Variants in PPP1R12B observed in about 807,000 individuals in gnomAD.
PPP1R12B encodes the protein myosin phosphatase target subunit 2.
A neutral mutation model predicts 126.1 loss-of-function variants in PPP1R12B; 76 were observed. The ratio of observed to expected loss-of-function variants is 0.60; its 90% CI spans 0.50 to 0.73. PPP1R12B has a LOEUF of 0.73. Among genes scored for constraint, PPP1R12B ranks in the 30% least tolerant of loss-of-function variants. The pLI is 0.00. For synonymous variants in PPP1R12B, 356 were observed against 434.7 expected, an observed-to-expected ratio of 0.82 and a Z score of 2.25; for missense variants, 1,052 against 1,205.1, an observed-to-expected ratio of 0.87 and a Z score of 1.88.
intron 18 of PPP1R12B, among the ~76,000 whole-genome samples, chr1:202,545,740 T>C (rs1321565810): frequency 6.6e-6 from 1 of 152,220 alleles, no homozygotes; most frequent in East Asian, 1.9e-4. Context: ...ATGTGGTTAA[T>C]ACATTAGCCT....
At chr1:202,573,938 C>A (rs550671532) in intron 23 of PPP1R12B, among the ~76,000 whole-genome samples, 2 of 152,194 alleles carry the variant, frequency 1.3e-5, no homozygotes, top group South Asian at 4.2e-4. Flanking sequence ...TGAACTGAGA[C>A]AAAGAAAGCA....
At chr1:202,400,638 G>A in intron 1 of PPP1R12B, among the ~76,000 whole-genome samples, 1 of 152,194 alleles carries the variant, frequency 6.6e-6, no homozygotes, top group East Asian at 1.9e-4. Flanking sequence ...AGATTGTTAT[G>A]GAAATGGTTT....
Position 202,504,262 on chromosome 1 carries a change from G to A in PPP1R12B, c.2490+7440G>A, listed in dbSNP as rs528782168. 7.9e-5 allele frequency among the ~76,000 whole-genome samples: 12 copies of A among 151,964 alleles called. No individual in the cohort carries two copies. In the South Asian group the frequency reaches 2.1e-3, roughly 26 times the overall value. ...ACAAAAATTAGCTGGGTGTGATGAC[G>A]CCCACCTGTAATCCCAGCTACTCGG... On this transcript the variant is annotated intron_variant, in intron 18 of 23. Coordinates refer to ENST00000608999, the MANE Select transcript of PPP1R12B (RefSeq NM_002481.4).
Position 202,442,480 on chromosome 1 carries a change from C to T in PPP1R12B, c.1575C>T (p.Ser525=), listed in dbSNP as rs202002903. 1.7e-4 allele frequency: 280 copies of T among 1,613,464 alleles called. No individual in the cohort carries two copies. Among genetic ancestry groups the T allele is most frequent in the African/African-American group, 1.5e-3 (116 of 74,866 alleles). The change falls in exon 12 of 24, where the codon TCC becomes TCT. Residue 525 remains serine (S), a synonymous_variant. Transcript: ENST00000608999. ...ESAVNLVRSG[S]YTRQLWRDEA... is the part of the protein sequence containing the mutation. ...CTGTTAATCTAGTGAGGAGTGGCTC[C>T]TATACCCGGCAGCTATGGAGGGATG...
At chr1:202,359,911 G>GGT (rs368422256) in intron 1 of PPP1R12B, among the ~76,000 whole-genome samples, 4,873 of 151,786 alleles carry the variant, frequency 0.032, 268 homozygotes, top group African/African-American at 0.11. Context: ...ATTGTTCACA[G>GGT]GTGTGTGTGT....
At chr1:202,502,112 C>T (rs572154898) in intron 18 of PPP1R12B, 1 of 985,740 alleles carries the variant, frequency 1.0e-6, no homozygotes, top group African/African-American at 1.7e-5. Context: ...TGAACAAAAT[C>T]ACTGAAACCT....
At chr1:202,403,157 A>G (rs1666098574) in intron 1 of PPP1R12B, among the ~76,000 whole-genome samples, 1 of 152,160 alleles carries the variant, frequency 6.6e-6, no homozygotes, top group African/African-American at 2.4e-5. Context: ...GTAGAGAGAG[A>G]TGGGGCCTGG....
chr1:202,427,998 T>TG lies in PPP1R12B; in HGVS notation c.846+820dup, dbSNP rs565584530. Among the ~76,000 whole-genome samples, 1,055 of 150,784 alleles carry TG rather than the reference T, an allele frequency of 7.0e-3. 5 individuals carry two copies. Among genetic ancestry groups the TG allele is most frequent in the Admixed American group, 0.016 (236 of 15,030 alleles). On this transcript the variant is annotated intron_variant, in intron 5 of 23. Transcript: ENST00000608999. ...TTTTTTTTTTTTTTAATGGTAGAGA[T>TG]GGGGGGTCTCACTGGTTTCCCAGCT...
rs1336266025 is a variant in PPP1R12B, at chr1:202,427,196, T to C, written c.846+12T>C. 6.2e-7 allele frequency: 1 copy of C among 1,612,640 alleles called. No individual in the cohort carries two copies. ...TTCGAAATAAACTGGTTAGTGAGCC[T>C]GAACCTCTAAAAGAACAACGAGATT... On this transcript the variant is annotated intron_variant, in intron 5 of 23. Transcript: ENST00000608999.
intron 1 of PPP1R12B, among the ~76,000 whole-genome samples, chr1:202,379,165 T>C (rs1219633689): frequency 6.6e-6 from 1 of 152,220 alleles, no homozygotes; most frequent in Non-Finnish European, 1.5e-5. Context: ...CAGGTTTCTC[T>C]CGGTCTCAGT....
chr1:202,560,896 A>G (rs761773929), intron 19 of PPP1R12B, among the ~76,000 whole-genome samples: 31 of 152,324 alleles, frequency 2.0e-4, no homozygotes, highest in South Asian at 6.2e-4. Flanking sequence ...TGCTGCCTAT[A>G]TTAGTTTTAA....
chr1:202,424,388 A>T (rs1388154507), intron 3 of PPP1R12B, among the ~76,000 whole-genome samples: 1 of 151,562 alleles, frequency 6.6e-6, no homozygotes, highest in Non-Finnish European at 1.5e-5. Context: ...CAGTGGCGCA[A>T]TCCCAGCTCA....
chr1:202,418,957 C>T (rs2148624809), intron 2 of PPP1R12B, among the ~76,000 whole-genome samples: 1 of 152,052 alleles, frequency 6.6e-6, no homozygotes, highest in African/African-American at 2.4e-5. Context: ...TGCTCTTATT[C>T]CCAGAATCAC....
rs559161988 is a variant in PPP1R12B at position 202,392,396 on chromosome 1, A to G, written c.292-24391A>G. ...AGAAGTCTACGTATTATATGATTCT[A>G]TTTATTTGAAAGTCCAGAATAGGGA... On this transcript the variant is annotated intron_variant, in intron 1 of 23. Transcript: ENST00000608999. 1.3e-3 allele frequency among the ~76,000 whole-genome samples: 201 copies of G among 152,304 alleles called. 1 individual carries two copies. The highest frequency in any genetic ancestry group is 2.3e-3 in the Non-Finnish European group (155 of 68,018).
intron 15 of PPP1R12B, 22 bp downstream of exon 15, chr1:202,493,339 T>C (rs1356762669): frequency 6.2e-7 from 1 of 1,604,812 alleles, no homozygotes; most frequent in Non-Finnish European, 8.5e-7. Context: ...TTTGCTGGCA[T>C]GTACTGTGCT....
chr1:202,359,681 G>A (rs886758740), intron 1 of PPP1R12B, among the ~76,000 whole-genome samples: 6 of 139,326 alleles, frequency 4.3e-5, no homozygotes, highest in African/African-American at 1.5e-4. Context: ...CTGGCGGTGG[G>A]GGGTGGGGGT....
chr1:202,540,174 C>G (rs1210470860), intron 18 of PPP1R12B: 1 of 1,610,686 alleles, frequency 6.2e-7, no homozygotes, highest in South Asian at 1.1e-5. Flanking sequence ...AAAGAATTCA[C>G]TCGGAATAGG....
Position 202,580,792 on chromosome 1 carries a change from TGTG to T in PPP1R12B, c.*235_*237del. On this transcript the variant is annotated 3_prime_UTR_variant, in exon 24 of 24. Coordinates refer to ENST00000608999, the MANE Select transcript of PPP1R12B (RefSeq NM_002481.4). Reference sequence around the variant, plus strand: ...ATGACAGTTTTAATTGAAGCATGATTGTGGTAATTCGAGCCATCTGGAGAATGC... The same window carrying T: ...ATGACAGTTTTAATTGAAGCATGATTGTAATTCGAGCCATCTGGAGAATGC... 1 of 481,978 alleles carries T rather than the reference TGTG, an allele frequency of 2.1e-6. No individual in the cohort carries two copies. Among genetic ancestry groups the T allele is most frequent in the Non-Finnish European group, 3.8e-6 (1 of 261,864 alleles). The allele number at this position is 481,978 out of a possible 1,614,324, so 29.9% of individuals were successfully genotyped here. A position where few individuals can be genotyped will look rare whatever the true frequency, so the allele number is the denominator to read the frequency against.
intron 18 of PPP1R12B, among the ~76,000 whole-genome samples, chr1:202,556,523 C>G (rs1247572749): frequency 2.0e-5 from 3 of 151,960 alleles, no homozygotes; most frequent in Non-Finnish European, 4.4e-5. Context: ...ATGTATGTAT[C>G]TCTTCTGGAT....
Sources: gnomAD v4.1 joint callset for allele counts (sites outside exome capture counted in the v4.1 genomes callset) on GRCh38, gnomAD v4.1.1 for gene constraint, MANE v1.5 for transcripts, NCBI Gene and HGNC (gene_info 2026-07-23, HGNC 2026-07-21) for gene names.